Variants in SRGAP3 observed in about 807,000 individuals in gnomAD.
SRGAP3 encodes the protein SLIT-ROBO Rho GTPase-activating protein 3.
SRGAP3 carries 39 observed loss-of-function variants against 121.1 expected under a neutral mutation model. That is an observed-to-expected ratio of 0.32 (90% CI 0.25 to 0.42). The LOEUF (loss-of-function observed/expected upper bound fraction) is 0.42, where lower values mean the gene tolerates loss of function less well. SRGAP3 is among the 10% of genes least tolerant of loss of function. SRGAP3 has a pLI of 1.00. For synonymous variants in SRGAP3, 601 were observed against 570.0 expected (o/e 1.05, Z -0.77); for missense variants, 1,213 against 1,470.6 (o/e 0.82, Z 2.86).
chr3:9,030,754 G>A (rs778933424), intron 12 of SRGAP3, among the ~76,000 whole-genome samples: 2 of 152,150 alleles, frequency 1.3e-5, no homozygotes, highest in Non-Finnish European at 2.9e-5. Context: ...TTCCTTCCAA[G>A]TATCCTGACT....
intron 4 of SRGAP3, among the ~76,000 whole-genome samples, chr3:9,068,582 C>T (rs991516683): frequency 2.0e-5 from 3 of 152,112 alleles, no homozygotes; most frequent in African/African-American, 7.2e-5. Context: ...AGACAGCTGC[C>T]ACCAAAGAGT....
In SRGAP3 at chr3:8,990,787, C is replaced by T. The variant is rs762256441; in HGVS notation, c.2611G>A (p.Asp871Asn). Residue 871 changes from aspartate to asparagine, a missense_variant, in exon 21 of 22, where the codon GAC becomes AAC. Asp to Asn is a conservative substitution (Grantham distance 23, BLOSUM62 1). Around this residue, in one of 2 missense-constraint regions of SRGAP3, gnomAD observed 420 missense variants for 437.7 expected, o/e 0.96. Transcript: ENST00000383836. ...AAIPRRRSGG[D>N]THSPPRGLGP... ...AGGCCCCGGGGCGGGCTGTGTGTGT[C>T]GCCCCCGCTTCGGCGTCTGGGGATG... 34 of 1,594,608 alleles carry T rather than the reference C, an allele frequency of 2.1e-5. No homozygotes were observed. The highest frequency in any genetic ancestry group is 4.5e-5 in the South Asian group (4 of 89,396).
In SRGAP3 at chr3:9,162,913, G is replaced by A. The variant is rs1315088679; in HGVS notation, c.68-37996C>T. Among the ~76,000 whole-genome samples the A allele has an allele frequency of 5.3e-5, 8 of 152,210 alleles. No homozygotes were observed. In the South Asian group the frequency reaches 1.2e-3, roughly 24 times the overall value. On this transcript the variant is annotated intron_variant, in intron 1 of 21. Transcript: ENST00000383836. ...CAGTGTCTGGCAGTGGATGAAGGTC[G>A]GGATTTGGAGGCAGGCTGAATTTCA...
chr3:9,089,620 A>C (rs1009507664), intron 3 of SRGAP3, among the ~76,000 whole-genome samples: 1 of 139,166 alleles, frequency 7.2e-6, no homozygotes, highest in Non-Finnish European at 1.5e-5. Context: ...CCTTGCCCCA[A>C]CTTACAAGCA....
chr3:9,072,029 C>A (rs1440588730), intron 4 of SRGAP3, among the ~76,000 whole-genome samples: 1 of 152,148 alleles, frequency 6.6e-6, no homozygotes, highest in Non-Finnish European at 1.5e-5. Flanking sequence ...AGCCAGTTTG[C>A]ACCAGATTCC....
intron 1 of SRGAP3, among the ~76,000 whole-genome samples, chr3:9,142,187 T>C (rs973321924): frequency 1.3e-5 from 2 of 152,202 alleles, no homozygotes; most frequent in African/African-American, 2.4e-5. Context: ...AATTAGGTAA[T>C]ATTAATACAT....
chr3:9,080,399 T>C (rs1947181926), intron 3 of SRGAP3, among the ~76,000 whole-genome samples: 1 of 152,206 alleles, frequency 6.6e-6, no homozygotes, highest in African/African-American at 2.4e-5. Context: ...CCCACAGAAT[T>C]TTTCTTTAAT....
chr3:9,354,392 C>A (rs539873098), intron 1 of SRGAP3, among the ~76,000 whole-genome samples: 75 of 152,100 alleles, frequency 4.9e-4, no homozygotes, highest in Admixed American at 8.5e-4. Context: ...TAAGAATAGG[C>A]AAGGAGGCCG....
At chr3:9,347,693 A>T (rs1955932293) in intron 1 of SRGAP3, among the ~76,000 whole-genome samples, 1 of 152,240 alleles carries the variant, frequency 6.6e-6, no homozygotes, top group Non-Finnish European at 1.5e-5. Context: ...TTCTGGTGAC[A>T]GGTTCAAAGC....
intron 3 of SRGAP3, among the ~76,000 whole-genome samples, chr3:9,085,614 A>G (rs1234806355): frequency 6.6e-6 from 1 of 152,244 alleles, no homozygotes. Context: ...CATATATACC[A>G]TGGAATACTA....
At chr3:9,172,999 AG>A (rs1951039819) in intron 1 of SRGAP3, among the ~76,000 whole-genome samples, 1 of 152,192 alleles carries the variant, frequency 6.6e-6, no homozygotes, top group Non-Finnish European at 1.5e-5. Context: ...GAAGCTACCA[AG>A]GCAAACAGGA....
chr3:9,341,563 G>A (rs1292376877), intron 1 of SRGAP3, among the ~76,000 whole-genome samples: 1 of 152,226 alleles, frequency 6.6e-6, no homozygotes, highest in Non-Finnish European at 1.5e-5. Context: ...AACACAGGCT[G>A]TGCTGTGGTC....
At chr3:9,254,825 G>C (rs1201398735) in intron 3 of SRGAP3, among the ~76,000 whole-genome samples, 1 of 139,696 alleles carries the variant, frequency 7.2e-6, no homozygotes, top group Non-Finnish European at 1.6e-5. Context: ...AAAAGAGAGA[G>C]AGAGAGAGGA....
chr3:9,072,293 C>T (rs1467677031), intron 4 of SRGAP3, among the ~76,000 whole-genome samples: 1 of 152,200 alleles, frequency 6.6e-6, no homozygotes, highest in Non-Finnish European at 1.5e-5. Flanking sequence ...TGGCACCTTC[C>T]TGATACTCAG....
intron 6 of SRGAP3, chr3:9,059,215 C>G (rs930586534): frequency 2.0e-5 from 3 of 152,344 alleles, no homozygotes; most frequent in African/African-American, 7.2e-5. Context: ...AATCACCTAT[C>G]AACATGTCCT....
chr3:9,319,739 G>A (rs1275484949), intron 3 of SRGAP3, among the ~76,000 whole-genome samples: 2 of 151,770 alleles, frequency 1.3e-5, no homozygotes, highest in Admixed American at 6.6e-5. Flanking sequence ...TCAAAGTATT[G>A]GCAGTCAAGA....
chr3:9,119,510 C>T (rs1421325905), intron 2 of SRGAP3, among the ~76,000 whole-genome samples: 1 of 152,236 alleles, frequency 6.6e-6, no homozygotes, highest in East Asian at 1.9e-4. Context: ...GCTTAAACCA[C>T]GCTTCCTCCA....
intron 4 of SRGAP3, among the ~76,000 whole-genome samples, chr3:9,079,325 C>A (rs1019990855): frequency 2.0e-5 from 3 of 152,228 alleles, no homozygotes; most frequent in African/African-American, 7.2e-5. Context: ...GGGGTCCCCA[C>A]ATTCCTCTTG....
chr3:9,002,298 G>C (rs1199240658), intron 18 of SRGAP3, among the ~76,000 whole-genome samples: 1 of 152,076 alleles, frequency 6.6e-6, no homozygotes, highest in African/African-American at 2.4e-5. Flanking sequence ...GAAAAAAACT[G>C]GGAAACTGAC....
Sources: allele counts gnomAD v4.1 joint callset (sites outside exome capture counted in the v4.1 genomes callset), GRCh38; gene constraint gnomAD v4.1.1; regional missense constraint gnomAD v4.1.1; transcripts MANE v1.5; gene names NCBI Gene and HGNC (gene_info 2026-07-23, HGNC 2026-07-21).